Variants in VOPP1 observed in about 807,000 individuals in gnomAD.
VOPP1 encodes WW domain binding protein VOPP1.
A neutral mutation model predicts 23.5 loss-of-function variants in VOPP1; 8 were observed. The observed-to-expected ratio is 0.34, with a 90% CI of 0.20 to 0.61. The LOEUF is 0.61. VOPP1 is among the 20% of genes least tolerant of loss of function. The probability of loss-of-function intolerance (pLI) is 0.78; values close to 1 mark genes in which losing one functional copy is unlikely to be tolerated. For missense variants in VOPP1, 174 were observed against 238.1 expected, an observed-to-expected ratio of 0.73 and a Z score of 1.77; for synonymous variants, 83 against 97.3, an observed-to-expected ratio of 0.85 and a Z score of 0.86.
chr7:55,537,407 A>T, intron 1 of VOPP1: 1 of 1,503,678 alleles, frequency 6.7e-7, no homozygotes, highest in South Asian at 1.2e-5. Flanking sequence ...TGGAGGTAAC[A>T]CATAACTGCC....
chr7:55,477,914 G>A (rs1792390670), intron 4 of VOPP1, among the ~76,000 whole-genome samples: 1 of 152,226 alleles, frequency 6.6e-6, no homozygotes, highest in African/African-American at 2.4e-5. Context: ...CCCCGGCCAG[G>A]TGGAGGCAGC....
At chr7:55,532,252 C>A (rs1404262488) in intron 1 of VOPP1, among the ~76,000 whole-genome samples, 1 of 152,204 alleles carries the variant, frequency 6.6e-6, no homozygotes, top group Non-Finnish European at 1.5e-5. Flanking sequence ...CAGCACCTGC[C>A]GCATGCCTGC....
At chr7:55,476,432 G>A (rs1451068561) in intron 4 of VOPP1, among the ~76,000 whole-genome samples, 1 of 145,248 alleles carries the variant, frequency 6.9e-6, no homozygotes, top group South Asian at 2.3e-4. Context: ...GGCGTGTCGG[G>A]GGGGTGGGCG....
downstream of VOPP1, among the ~76,000 whole-genome samples, chr7:55,468,855 T>C (rs1791702992): frequency 6.6e-6 from 1 of 152,122 alleles, no homozygotes; most frequent in East Asian, 1.9e-4. Flanking sequence ...GTTCGAAGGA[T>C]TTGACTAGAA....
chr7:55,534,625 C>T (rs1796678109), intron 1 of VOPP1, among the ~76,000 whole-genome samples: 1 of 152,214 alleles, frequency 6.6e-6, no homozygotes, highest in Non-Finnish European at 1.5e-5. Context: ...ACCCATTTCT[C>T]CAGCTGTAGC....
intron 1 of VOPP1, among the ~76,000 whole-genome samples, chr7:55,554,587 A>C (rs1797739574): frequency 6.6e-6 from 1 of 152,132 alleles, no homozygotes; most frequent in Admixed American, 6.5e-5. Flanking sequence ...TGGGTTGCCG[A>C]GGATGTAGGG....
At chr7:55,547,922 T>C (rs2129052824) in intron 1 of VOPP1, among the ~76,000 whole-genome samples, 1 of 152,280 alleles carries the variant, frequency 6.6e-6, no homozygotes, top group African/African-American at 2.4e-5. Context: ...AGAGAATGTC[T>C]CTTCTTCCAA....
intron 4 of VOPP1, among the ~76,000 whole-genome samples, chr7:55,461,865 T>C (rs774181685): frequency 6.6e-6 from 1 of 152,256 alleles, no homozygotes; most frequent in Non-Finnish European, 1.5e-5. Context: ...TTATTGGTTA[T>C]CATTGTGGTT....
At chr7:55,525,913 A>G (rs1035035582) in intron 1 of VOPP1, among the ~76,000 whole-genome samples, 1 of 151,938 alleles carries the variant, frequency 6.6e-6, no homozygotes, top group Non-Finnish European at 1.5e-5. Context: ...CGAAGATACT[A>G]CTACCATGAT....
chr7:55,538,856 G>A (rs1796967673), intron 1 of VOPP1, among the ~76,000 whole-genome samples: 1 of 150,660 alleles, frequency 6.6e-6, no homozygotes, highest in South Asian at 2.1e-4. Flanking sequence ...GCAGAACACT[G>A]TCTATAATAT....
intron 4 of VOPP1, among the ~76,000 whole-genome samples, chr7:55,448,839 C>A (rs1244144895): frequency 6.6e-6 from 1 of 152,224 alleles, no homozygotes; most frequent in Non-Finnish European, 1.5e-5. Flanking sequence ...ACCGCAGCCA[C>A]GCGCAGGACA....
chr7:55,558,664 C>T (rs1797887079), intron 1 of VOPP1, among the ~76,000 whole-genome samples: 1 of 152,172 alleles, frequency 6.6e-6, no homozygotes, highest in African/African-American at 2.4e-5. Context: ...TGTAAAGTCT[C>T]TTCACTTCCC....
At chr7:55,542,976 C>T (rs1797199188) in intron 1 of VOPP1, among the ~76,000 whole-genome samples, 1 of 151,774 alleles carries the variant, frequency 6.6e-6, no homozygotes, top group Non-Finnish European at 1.5e-5. Flanking sequence ...AGTGCAGTGG[C>T]GTGATCTTGG....
intron 1 of VOPP1, among the ~76,000 whole-genome samples, chr7:55,555,799 T>C (rs1381795319): frequency 6.6e-6 from 1 of 152,182 alleles, no homozygotes; most frequent in Non-Finnish European, 1.5e-5. Context: ...GCTCACATAG[T>C]TCCTGCTTAC....
chr7:55,531,350 AT>A (rs11372931), intron 1 of VOPP1, among the ~76,000 whole-genome samples: 1,664 of 140,978 alleles, frequency 0.012, 9 homozygotes, highest in Middle Eastern at 0.021. Flanking sequence ...CTAATCCAGA[AT>A]TTTTTTTTTT....
At chr7:55,552,289 AT>A (rs1285034879) in intron 1 of VOPP1, among the ~76,000 whole-genome samples, 2 of 152,232 alleles carry the variant, frequency 1.3e-5, no homozygotes, top group African/African-American at 4.8e-5. Context: ...AATTTAGCTG[AT>A]TTTAAAACCT....
At chr7:55,537,193 C>T (rs922402927) in intron 1 of VOPP1, among the ~76,000 whole-genome samples, 2 of 152,288 alleles carry the variant, frequency 1.3e-5, no homozygotes, top group African/African-American at 4.8e-5. Flanking sequence ...TGCCCTGTCC[C>T]AACCAGGCCT....
chr7:55,513,116 G>T (rs1170506213), intron 2 of VOPP1, among the ~76,000 whole-genome samples: 1 of 151,988 alleles, frequency 6.6e-6, no homozygotes, highest in African/African-American at 2.4e-5. Flanking sequence ...TGGGAATAGG[G>T]CCTGAAAGCA....
intron 1 of VOPP1, among the ~76,000 whole-genome samples, chr7:55,567,007 A>C (rs1798184750): frequency 6.6e-6 from 1 of 152,246 alleles, no homozygotes; most frequent in South Asian, 2.1e-4. Context: ...TCAATATTAC[A>C]GAAAACTTTA....
Sources: gnomAD v4.1 joint callset for allele counts (sites outside exome capture counted in the v4.1 genomes callset) on GRCh38, gnomAD v4.1.1 for gene constraint, MANE v1.5 for transcripts, NCBI Gene and HGNC (gene_info 2026-07-23, HGNC 2026-07-21) for gene names.